Variants in AGK observed in about 807,000 individuals in gnomAD.
AGK encodes acylglycerol kinase, mitochondrial.
AGK carries 52 observed loss-of-function variants against 66.4 expected under a neutral mutation model. That is an observed-to-expected ratio of 0.78 (90% confidence interval 0.63 to 0.99). AGK has a LOEUF of 0.99. Ranked by LOEUF, AGK falls within the 50% of genes least tolerant of loss-of-function variation. AGK has a pLI of 0.00. For missense variants in AGK, 451 were observed against 506.6 expected (o/e 0.89, Z 1.05); for synonymous variants, 182 against 181.1 (o/e 1.00, Z -0.04).
At chr7:141,637,113 A>G (rs1797192468) in intron 11 of AGK, 96 bp downstream of exon 11, 1 of 954,514 alleles carries the variant, frequency 1.0e-6, no homozygotes, top group Non-Finnish European at 1.6e-6. Flanking sequence ...CTTGCTACAG[A>G]TGAATGTGGC....
intron 2 of AGK, among the ~76,000 whole-genome samples, chr7:141,582,635 A>G (rs543338122): frequency 5.3e-5 from 8 of 152,042 alleles, no homozygotes; most frequent in Non-Finnish European, 1.0e-4. Context: ...TTGATGAAAA[A>G]GAGCCTAAAC....
chr7:141,593,933 G>A (rs978959100), intron 3 of AGK: 11 of 153,486 alleles, frequency 7.2e-5, no homozygotes, highest in Admixed American at 6.5e-4. Context: ...TTTCTGAAAT[G>A]TTTTAATGGA....
chr7:141,556,189 G>T (rs1425628680), intron 2 of AGK, among the ~76,000 whole-genome samples: 1 of 152,090 alleles, frequency 6.6e-6, no homozygotes, highest in Non-Finnish European at 1.5e-5. Context: ...GTTTCTGATT[G>T]GCCTCTCTAA....
intron 5 of AGK, among the ~76,000 whole-genome samples, chr7:141,607,945 G>T (rs887674753): frequency 1.3e-5 from 2 of 151,670 alleles, no homozygotes; most frequent in African/African-American, 4.8e-5. Flanking sequence ...TGAAATTATG[G>T]TCTGTCAAAT....
rs547839715 is a variant in AGK, at chr7:141,569,577, A to G, written c.101+14010A>G. On this transcript the variant is annotated intron_variant, in intron 2 of 15. Transcript: ENST00000649286. ...TAATAATAATAGCTAATACTTAATC[A>G]GTGATTGCCATGTGCGAGGCACAGT... Among the ~76,000 whole-genome samples, 37 of 152,284 alleles carry G rather than the reference A, an allele frequency of 2.4e-4. No individual in the cohort carries two copies. The South Asian group carries it at 7.5e-3, about 31-fold the overall frequency.
intron 4 of AGK, chr7:141,597,050 G>T: frequency 6.2e-6 from 1 of 162,138 alleles, no homozygotes; most frequent in Admixed American, 6.1e-5. Flanking sequence ...CCTTGAGCTA[G>T]ACCTGGGAGG....
chr7:141,555,723 G>A lies in AGK; in HGVS notation c.101+156G>A, dbSNP rs1795198250. Among the ~76,000 whole-genome samples, 1 of 152,248 alleles carries A rather than the reference G, an allele frequency of 6.6e-6. No individual in the cohort carries two copies. The highest frequency in any genetic ancestry group is 2.4e-5 in the African/African-American group (1 of 41,460). ...TTCAAAGCAAAAACAAAGACTTCTT[G>A]TAACCAGAGCTGGAACTACATGCAT... On this transcript the variant is annotated intron_variant, in intron 2 of 15. Coordinates refer to ENST00000649286, the MANE Select transcript of AGK (RefSeq NM_018238.4). This position sits in a 1 kb window ranked among gnomAD's most constrained non-coding sequence, Gnocchi z 4.2.
intron 2 of AGK, among the ~76,000 whole-genome samples, chr7:141,575,687 C>G (rs35546169): frequency 0.045 from 3,933 of 88,374 alleles, 105 homozygotes; most frequent in South Asian, 0.18. Flanking sequence ...TTTTTTTGGG[C>G]CTGGCTGCTT....
rs761681719 is a variant in AGK at position 141,593,192 on chromosome 7, C to A, written c.141+7C>A. On this transcript the variant is annotated splice_region_variant and intron_variant, in intron 3 of 15. Coordinates refer to ENST00000649286, the MANE Select transcript of AGK (RefSeq NM_018238.4). ...AGCCTGTCAAGAAGCTCAGGTAATA[C>A]TACTTAATGTGATAAAATTAAGCCC... 1 of 1,611,774 alleles carries A rather than the reference C, an allele frequency of 6.2e-7. No homozygotes were observed. Among genetic ancestry groups the A allele is most frequent in the South Asian group, 1.1e-5 (1 of 91,010 alleles).
At chr7:141,611,122 T>G in intron 5 of AGK, 73 bp from the exon 6 acceptor site, 1 of 882,096 alleles carries the variant, frequency 1.1e-6, no homozygotes, top group Non-Finnish European at 1.8e-6. Context: ...AAAGAAGATA[T>G]CCCACATTTT....
At chr7:141,554,430 A>T (rs1019725842) in intron 1 of AGK, among the ~76,000 whole-genome samples, 5 of 152,070 alleles carry the variant, frequency 3.3e-5, no homozygotes, top group Admixed American at 6.5e-5. Context: ...GTATAATGCC[A>T]ATTATATATG....
At chr7:141,567,139 G>T (rs1043361581) in intron 2 of AGK, among the ~76,000 whole-genome samples, 1 of 151,912 alleles carries the variant, frequency 6.6e-6, no homozygotes, top group African/African-American at 2.4e-5. Context: ...TTGAATGTTG[G>T]TGTCCCTCAT....
chr7:141,628,971 A>G lies in AGK; in HGVS notation c.589-4930A>G, dbSNP rs536801807. 7.2e-5 allele frequency among the ~76,000 whole-genome samples: 11 copies of G among 152,322 alleles called. No homozygotes were observed. In the South Asian group the frequency reaches 2.3e-3, roughly 32 times the overall value. On this transcript the variant is annotated intron_variant, in intron 9 of 15. Transcript: ENST00000649286. ...TCAACTAGATTCTTAAGACCCTGCC[A>G]ACCCAGAACCAAATAAGGCATAGAG...
chr7:141,652,477 T>TGTCTTAAAGGCAAATA lies in AGK; in HGVS notation c.1132-310_1132-309insGTCTTAAAGGCAAATA, dbSNP rs1424578786. 1.6e-4 allele frequency: 37 copies of TGTCTTAAAGGCAAATA among 228,482 alleles called. No homozygotes were observed. The East Asian group carries it at 3.2e-3, about 20-fold the overall frequency. 14.2% of individuals were successfully genotyped at this position (228,482 alleles called of 1,614,324 possible). On this transcript the variant is annotated intron_variant, in intron 15 of 15. Transcript: ENST00000649286. The stretch of plus-strand genomic sequence containing the variant: ...AGTTCCTTAAGACATGGCAGGACCC[T>TGTCTTAAAGGCAAATA]TGCCTTTTAATACATATTTGAAAAT...
intron 2 of AGK, among the ~76,000 whole-genome samples, chr7:141,574,853 T>C (rs532604177): frequency 6.3e-4 from 96 of 152,356 alleles, no homozygotes; most frequent in African/African-American, 2.2e-3. Context: ...TTCTATACTT[T>C]ATTTCAGGGA....
At chr7:141,596,911 C>A (rs1262287375) in intron 4 of AGK, 9 of 395,614 alleles carry the variant, frequency 2.3e-5, no homozygotes, top group African/African-American at 1.8e-4. Context: ...GGAAGTAGTC[C>A]CCTCGGGAGC....
chr7:141,586,824 G>A (rs1249394944), intron 2 of AGK, among the ~76,000 whole-genome samples: 1 of 152,126 alleles, frequency 6.6e-6, no homozygotes, highest in Non-Finnish European at 1.5e-5. Flanking sequence ...TTCAAATGAA[G>A]TACAGGGTCA....
At chr7:141,570,288 G>A (rs1397633361) in intron 2 of AGK, among the ~76,000 whole-genome samples, 2 of 151,846 alleles carry the variant, frequency 1.3e-5, no homozygotes, top group Non-Finnish European at 2.9e-5. Flanking sequence ...TCGGGAGGCT[G>A]AGGCAGCAGA....
At chr7:141,577,796 C>A (rs184806486) in intron 2 of AGK, among the ~76,000 whole-genome samples, 2 of 151,310 alleles carry the variant, frequency 1.3e-5, no homozygotes, top group Non-Finnish European at 2.9e-5. Context: ...CCTTCCAGAT[C>A]GAATGCCCCA....
Sources: allele counts gnomAD v4.1 joint callset (sites outside exome capture counted in the v4.1 genomes callset), GRCh38; gene constraint gnomAD v4.1.1; non-coding constraint Gnocchi (gnomAD v3.1); transcripts MANE v1.5; gene names NCBI Gene and HGNC (gene_info 2026-07-23, HGNC 2026-07-21).